Variants in ZBTB20 observed in about 807,000 individuals in gnomAD.
ZBTB20 encodes zinc finger and BTB domain-containing protein 20.
Under a neutral mutation model 56.9 loss-of-function variants are expected in ZBTB20, and 9 were observed. The observed-to-expected ratio is 0.16, with a 90% confidence interval of 0.10 to 0.28. The LOEUF is 0.28. Among genes scored for constraint, ZBTB20 ranks in the 10% least tolerant of loss-of-function variants. The pLI is 1.00. For synonymous variants in ZBTB20, 417 were observed against 420.7 expected, an observed-to-expected ratio of 0.99 and a Z score of 0.11; for missense variants, 655 against 1,003.0, an observed-to-expected ratio of 0.65 and a Z score of 4.69.
intron 6 of ZBTB20, among the ~76,000 whole-genome samples, chr3:114,586,813 CA>C (rs773856382): frequency 1.6e-4 from 25 of 152,048 alleles, no homozygotes; most frequent in Non-Finnish European, 2.9e-4. Flanking sequence ...AATAACAGCA[CA>C]TGTTCCTTTC....
intron 1 of ZBTB20, among the ~76,000 whole-genome samples, chr3:115,146,988 G>A (rs2085012556): frequency 6.7e-6 from 1 of 148,320 alleles, no homozygotes; most frequent in South Asian, 2.1e-4. Context: ...GGGAGGGGGC[G>A]CGGGCGGGGC....
At chr3:114,485,718 T>G (rs985171956) in intron 7 of ZBTB20, among the ~76,000 whole-genome samples, 1 of 152,098 alleles carries the variant, frequency 6.6e-6, no homozygotes, top group Non-Finnish European at 1.5e-5. Context: ...TGCCCTTATA[T>G]AAAAGGTGTG....
intron 4 of ZBTB20, among the ~76,000 whole-genome samples, chr3:114,894,983 T>C (rs184354875): frequency 3.5e-4 from 54 of 152,270 alleles, no homozygotes; most frequent in African/African-American, 1.2e-3. Flanking sequence ...AGTGATGTTT[T>C]CATTATTTTA....
intron 6 of ZBTB20, among the ~76,000 whole-genome samples, chr3:114,521,842 G>T (rs761452870): frequency 1.3e-5 from 2 of 152,108 alleles, no homozygotes; most frequent in Admixed American, 1.3e-4. Flanking sequence ...AGAAAATTTT[G>T]CCATGGAGAA....
intron 4 of ZBTB20, among the ~76,000 whole-genome samples, chr3:114,883,015 T>G (rs2107595109): frequency 6.6e-6 from 1 of 152,316 alleles, no homozygotes; most frequent in Non-Finnish European, 1.5e-5. Context: ...ATCATTCAAC[T>G]TCACTGGGAT....
intron 3 of ZBTB20, among the ~76,000 whole-genome samples, chr3:114,921,488 A>T (rs2075957374): frequency 6.6e-6 from 1 of 152,022 alleles, no homozygotes; most frequent in South Asian, 2.1e-4. Flanking sequence ...CATCCCTCTC[A>T]AACAGTTCCA....
chr3:114,390,122 T>C (rs1357524683), intron 7 of ZBTB20, among the ~76,000 whole-genome samples: 4 of 152,170 alleles, frequency 2.6e-5, no homozygotes, highest in Non-Finnish European at 1.5e-5. Flanking sequence ...TTTGCTTCTA[T>C]AAATTAAGCT....
At chr3:115,145,178 C>T (rs1297771924) in intron 1 of ZBTB20, among the ~76,000 whole-genome samples, 2 of 152,196 alleles carry the variant, frequency 1.3e-5, no homozygotes, top group Non-Finnish European at 2.9e-5. Context: ...GGGATATCAC[C>T]ATGCACTATG....
At chr3:114,824,603 A>C (rs2073426002) in intron 4 of ZBTB20, among the ~76,000 whole-genome samples, 1 of 151,932 alleles carries the variant, frequency 6.6e-6, no homozygotes, top group African/African-American at 2.4e-5. Context: ...GTTTGTTTGA[A>C]CTTGCTTAAA....
chr3:114,406,853 T>G (rs527633547), intron 7 of ZBTB20, among the ~76,000 whole-genome samples: 3 of 152,188 alleles, frequency 2.0e-5, no homozygotes, highest in Admixed American at 6.5e-5. Context: ...GACATAAACT[T>G]GCCTTTTTAA....
At chr3:114,782,512 T>G (rs1221170891) in intron 5 of ZBTB20, among the ~76,000 whole-genome samples, 2 of 152,190 alleles carry the variant, frequency 1.3e-5, no homozygotes, top group Non-Finnish European at 1.5e-5. Context: ...AGTTTATACA[T>G]GTGTAAGTTT....
At chr3:114,744,792 A>G (rs904336539) in intron 5 of ZBTB20, among the ~76,000 whole-genome samples, 7 of 152,124 alleles carry the variant, frequency 4.6e-5, no homozygotes, top group African/African-American at 1.7e-4. Context: ...CTGGTAAAAT[A>G]TTGTTCAAAA....
chr3:114,414,025 T>C (rs969243659), intron 7 of ZBTB20, among the ~76,000 whole-genome samples: 1 of 152,268 alleles, frequency 6.6e-6, no homozygotes, highest in African/African-American at 2.4e-5. Context: ...GTGCAGTAGC[T>C]TCTTGTCATC....
chr3:114,980,544 T>C (rs989670798), intron 2 of ZBTB20, among the ~76,000 whole-genome samples: 1 of 150,602 alleles, frequency 6.6e-6, no homozygotes, highest in African/African-American at 2.4e-5. Context: ...ATTATTTTTC[T>C]TCCAGCTTTC....
intron 10 of ZBTB20, among the ~76,000 whole-genome samples, chr3:114,368,063 C>T (rs987088592): frequency 6.6e-6 from 1 of 152,162 alleles, no homozygotes; most frequent in African/African-American, 2.4e-5. Flanking sequence ...AAAACTGTAG[C>T]CGACACTCAA....
chr3:114,409,031 T>C (rs150133068), intron 7 of ZBTB20, among the ~76,000 whole-genome samples: 5 of 151,698 alleles, frequency 3.3e-5, no homozygotes, highest in Admixed American at 3.3e-4. Flanking sequence ...CACAGTCAGA[T>C]ATGATTTCAT....
At chr3:115,091,090 C>T (rs963465512) in intron 1 of ZBTB20, among the ~76,000 whole-genome samples, 1 of 151,512 alleles carries the variant, frequency 6.6e-6, no homozygotes, top group Non-Finnish European at 1.5e-5. Context: ...GAGAGTGGAG[C>T]TCAATTAACC....
In ZBTB20 at chr3:114,328,173, T is replaced by G. The variant is rs2079122089; in HGVS notation, c.*10832A>C. The G allele has an allele frequency of 6.6e-6, 1 of 152,210 alleles. No individual in the cohort carries two copies. The highest frequency in any genetic ancestry group is 2.4e-5 in the African/African-American group (1 of 41,458). The allele number at this position is 152,210 out of a possible 1,614,324, so 9.4% of individuals were successfully genotyped here. A position where few individuals can be genotyped will look rare whatever the true frequency, so the allele number is the denominator to read the frequency against. On this transcript the variant is annotated 3_prime_UTR_variant, in exon 12 of 12. Coordinates refer to ENST00000675478, the MANE Select transcript of ZBTB20 (RefSeq NM_001348800.3). ...AAAAACAGACACTTTCAAAACTTTA[T>G]GGATCTTTTCATCCATTAGTAAGTT...
At chr3:114,548,446 C>A (rs865917741) in intron 6 of ZBTB20, among the ~76,000 whole-genome samples, 1 of 152,110 alleles carries the variant, frequency 6.6e-6, no homozygotes, top group Middle Eastern at 3.2e-3. Flanking sequence ...CATTCATCTA[C>A]AGGTGTGCCA....
Sources: allele counts gnomAD v4.1 joint callset (sites outside exome capture counted in the v4.1 genomes callset), GRCh38; gene constraint gnomAD v4.1.1; transcripts MANE v1.5; gene names NCBI Gene and HGNC (gene_info 2026-07-23, HGNC 2026-07-21).